The following PERM1 variants were observed in gnomAD, a reference collection of about 807,000 sequenced individuals.
PERM1 encodes the protein PPARGC1 and ESRR induced regulator, muscle 1, also known as PGC-1 and ERR-induced regulator in muscle protein 1.
In PERM1, 45 loss-of-function variants were observed where a neutral mutation model predicts 44.1. The observed-to-expected ratio is 1.02, with a 90% CI of 0.80 to 1.31. PERM1 has a LOEUF of 1.31. Ranked by LOEUF, PERM1 falls within the 50% of genes most tolerant of loss-of-function variation. PERM1 has a pLI of 0.00. For synonymous variants in PERM1, 565 were observed against 477.1 expected, an observed-to-expected ratio of 1.18 and a Z score of -2.40; for missense variants, 1,189 against 1,106.9, an observed-to-expected ratio of 1.07 and a Z score of -1.05.
chr1:978,495 C>T (rs1021638593), intron 1 of PERM1, among the ~76,000 whole-genome samples: 2 of 152,182 alleles, frequency 1.3e-5, no homozygotes, highest in Admixed American at 6.5e-5. Flanking sequence ...GGGGGAACTG[C>T]CAGTGGAGGC....
exon 1 of PERM1, chr1:980,529 C>G (rs1466939315): frequency 6.8e-7 from 1 of 1,471,740 alleles, no homozygotes; most frequent in African/African-American, 1.4e-5. Flanking sequence ...CGGGGGGCCT[C>G]TGGGAGCCAG....
chr1:981,664 C>T (rs1643795251), upstream of PERM1, among the ~76,000 whole-genome samples: 1 of 152,254 alleles, frequency 6.6e-6, no homozygotes, highest in South Asian at 2.1e-4. Context: ...CTGGCCAGAG[C>T]TGGCCCAAGT....
At chr1:978,765 G>T in intron 1 of PERM1, 116 bp downstream of exon 2, 1 of 977,166 alleles carries the variant, frequency 1.0e-6, no homozygotes, top group Non-Finnish European at 1.4e-6. Context: ...AGGCTCCCCT[G>T]CTAGGGGATG....
At chr1:979,117 G>C (rs763189910) in exon 1 of PERM1, 2 of 1,549,946 alleles carry the variant, frequency 1.3e-6, no homozygotes, top group Non-Finnish European at 1.7e-6. Flanking sequence ...ATCAGCTCTC[G>C]GGAGCGGCTC....
exon 1 of PERM1, chr1:979,112 C>T (rs1643707903): frequency 6.5e-7 from 1 of 1,549,688 alleles, no homozygotes; most frequent in African/African-American, 1.4e-5. Flanking sequence ...ACAGGATCAG[C>T]TCTCGGGAGC....
Position 978,941 on chromosome 1 carries a change from GC to G in PERM1, c.2088del (p.Pro697LeufsTer10). ...ACGGCTGGCTTGAGGGGGGTCCCAG[GC>G]CCCGCCCCCTCGGAGGCCGACCGGG... On this transcript the variant is annotated frameshift_variant, in exon 1 of 3. Coordinates refer to ENST00000433179, the Ensembl canonical transcript of PERM1. LOFTEE classifies it high-confidence loss of function. 1 of 1,508,678 alleles carries G rather than the reference GC, an allele frequency of 6.6e-7. No homozygotes were observed. The allele number at this position is 1,508,678 out of a possible 1,614,324, so 93.5% of individuals were successfully genotyped here. A position where few individuals can be genotyped will look rare whatever the true frequency, so the allele number is the denominator to read the frequency against.
chr1:979,100 G>A, exon 1 of PERM1: 2 of 1,549,586 alleles, frequency 1.3e-6, no homozygotes, highest in Non-Finnish European at 8.7e-7. Context: ...ATGGGGGCCG[G>A]CACAGGATCA....
chr1:976,117 C>G, exon 3 of PERM1: 1 of 1,520,076 alleles, frequency 6.6e-7, no homozygotes, highest in Admixed American at 2.1e-5. Context: ...TCGTCCTGCC[C>G]TGGGCGCCTG....
upstream of PERM1, chr1:981,271 C>A: frequency 7.7e-7 from 1 of 1,296,592 alleles, no homozygotes; most frequent in Admixed American, 2.7e-5. Flanking sequence ...CTCCCATGAC[C>A]CTAGTTCCCA....
intron 1 of PERM1, among the ~76,000 whole-genome samples, chr1:978,487 G>A (rs1467073240): frequency 1.3e-5 from 2 of 152,192 alleles, no homozygotes; most frequent in African/African-American, 2.4e-5. Context: ...GCCAGTTTGG[G>A]GGAACTGCCA....
exon 1 of PERM1, chr1:980,415 G>T: frequency 6.5e-7 from 1 of 1,549,336 alleles, no homozygotes. Context: ...GCAGCGGGGA[G>T]CCCGTCTGGG....
At chr1:978,139 C>A (rs1413383561) in intron 1 of PERM1, among the ~76,000 whole-genome samples, 1 of 131,304 alleles carries the variant, frequency 7.6e-6, no homozygotes, top group Non-Finnish European at 1.6e-5. Context: ...CCCCGGGAAC[C>A]GCCTGCCTCC....
intron 2 of PERM1, 95 bp from the exon 4 acceptor site, chr1:976,364 G>A (rs1570062571): frequency 4.1e-6 from 6 of 1,480,454 alleles, no homozygotes; most frequent in East Asian, 5.0e-5. Flanking sequence ...CAAGGTCGGT[G>A]CGGCCAGGGC....
exon 1 of PERM1, chr1:980,260 G>A (rs770466508): frequency 8.7e-5 from 135 of 1,550,308 alleles, no homozygotes; most frequent in Non-Finnish European, 1.1e-4. Context: ...AGGGACAGGT[G>A]TAGACAGGCC....
At chr1:979,758 C>G (rs766058564) in exon 1 of PERM1, 1 of 1,550,348 alleles carries the variant, frequency 6.5e-7, no homozygotes, top group South Asian at 1.2e-5. Flanking sequence ...ATGAAGCCAC[C>G]TCTAGCTTAG....
chr1:976,048 GC>G, exon 3 of PERM1: 2 of 954,034 alleles, frequency 2.1e-6, no homozygotes, highest in African/African-American at 1.7e-5. Flanking sequence ...ACCAGGACAC[GC>G]CCCCCTCCTG....
At chr1:976,477 C>G (rs185856602) in intron 2 of PERM1, 22 bp downstream of exon 3, 1 of 1,549,454 alleles carries the variant, frequency 6.5e-7, no homozygotes, top group Non-Finnish European at 8.7e-7. Flanking sequence ...GCGCAGCTCC[C>G]TCTGCCCCCA....
At chr1:980,461 G>T in exon 1 of PERM1, 3 of 1,534,840 alleles carry the variant, frequency 2.0e-6, no homozygotes, top group Non-Finnish European at 2.6e-6. Flanking sequence ...ACCCCCCTTG[G>T]CACCCACAGC....
chr1:978,786 G>A (rs1422600562), intron 1 of PERM1, 95 bp downstream of exon 2: 51 of 1,219,198 alleles, frequency 4.2e-5, no homozygotes, highest in Middle Eastern at 2.9e-4. Flanking sequence ...ACCCAAGCCC[G>A]GCCTGCCCGG....
Sources: allele counts gnomAD v4.1 joint callset (sites outside exome capture counted in the v4.1 genomes callset), GRCh38; gene constraint gnomAD v4.1.1; transcripts MANE v1.5; gene names NCBI Gene and HGNC (gene_info 2026-07-23, HGNC 2026-07-21).